KCNK2: variants seen among roughly 807,000 people sequenced by gnomAD.
KCNK2 encodes potassium channel subfamily K member 2.
In KCNK2, 21 loss-of-function variants were observed where a neutral mutation model predicts 40.5. That is an observed-to-expected ratio of 0.52 (90% CI 0.37 to 0.75). KCNK2 has a LOEUF of 0.75. KCNK2 is among the 30% of genes least tolerant of loss of function. The probability of loss-of-function intolerance (pLI) is 0.00; values close to 1 mark genes in which losing one functional copy is unlikely to be tolerated. For synonymous variants in KCNK2, 191 were observed against 202.2 expected (o/e 0.94, Z 0.47); for missense variants, 399 against 531.6 (o/e 0.75, Z 2.45).
intron 6 of KCNK2, among the ~76,000 whole-genome samples, chr1:215,226,601 A>G (rs779900534): frequency 6.6e-6 from 1 of 152,160 alleles, no homozygotes; most frequent in Non-Finnish European, 1.5e-5. Flanking sequence ...CTGGGATTAC[A>G]GGCATGAGCC....
Position 215,222,273 on chromosome 1 carries a change from A to T in KCNK2, c.964-12555A>T, listed in dbSNP as rs943084551. Among the ~76,000 whole-genome samples, 7 of 131,296 alleles carry T rather than the reference A, an allele frequency of 5.3e-5. No homozygotes were observed. In the South Asian group the frequency reaches 1.6e-3, roughly 30 times the overall value. 86.1% of individuals were successfully genotyped at this position (131,296 alleles called of 152,430 possible). ...ATCATCTTTACAATGCAATCGTGTA[A>T]TTTGGATGAGCTTCATAAAATGGAT... On this transcript the variant is annotated intron_variant, in intron 6 of 6. Transcript: ENST00000444842.
At chr1:215,050,465 C>G (rs1377482287) in intron 1 of KCNK2, among the ~76,000 whole-genome samples, 1 of 151,770 alleles carries the variant, frequency 6.6e-6, no homozygotes, top group Non-Finnish European at 1.5e-5. Context: ...GGGGACAGTA[C>G]AATAAAAACA....
intron 2 of KCNK2, among the ~76,000 whole-genome samples, chr1:215,097,582 T>C (rs1660034741): frequency 6.6e-6 from 1 of 152,026 alleles, no homozygotes. Flanking sequence ...TATGGTTTCA[T>C]GCAGTTGCTT....
chr1:215,223,241 T>TAA (rs56890763), intron 6 of KCNK2, among the ~76,000 whole-genome samples: 12,173 of 111,922 alleles, frequency 0.11, 953 homozygotes, highest in South Asian at 0.36. Context: ...AGCTCTTTTC[T>TAA]AAAAAAAAAA....
At chr1:215,079,433 G>C (rs1017075416), upstream of KCNK2, among the ~76,000 whole-genome samples, 1 of 152,232 alleles carries the variant, frequency 6.6e-6, no homozygotes, top group African/African-American at 2.4e-5. Flanking sequence ...GCAGGAGGAA[G>C]AGAGTGAAGG....
chr1:215,098,201 G>C (rs1260500367), intron 2 of KCNK2, among the ~76,000 whole-genome samples: 1 of 100,592 alleles, frequency 9.9e-6, no homozygotes, highest in Admixed American at 9.7e-5. Flanking sequence ...CATTAAAACT[G>C]TGGGCAGTAT....
At chr1:215,208,405 C>T (rs1045259766) in intron 6 of KCNK2, among the ~76,000 whole-genome samples, 9 of 152,134 alleles carry the variant, frequency 5.9e-5, no homozygotes, top group Non-Finnish European at 1.0e-4. Flanking sequence ...TATTGGGTAC[C>T]GGGCTTAATA....
rs1053869338 is a variant in KCNK2, at chr1:215,011,771, A to G, written c.34+5816A>G. Among the ~76,000 whole-genome samples, 5 of 151,464 alleles carry G rather than the reference A, an allele frequency of 3.3e-5. No individual in the cohort carries two copies. In the South Asian group the frequency reaches 1.0e-3, roughly 32 times the overall value. ...CAGGCGCGTGCTACCACGCCCAGCT[A>G]TATTTTTTGTATTTTTAGTAGAGAC... is the stretch of plus-strand genomic sequence containing the variant. On this transcript the variant is annotated intron_variant, in intron 1 of 6. Transcript: ENST00000391895.
rs144135860 is a variant in KCNK2 at position 215,064,611 on chromosome 1, A to C, written c.35-21757A>C. 2.4e-3 allele frequency among the ~76,000 whole-genome samples: 358 copies of C among 152,244 alleles called. 2 individuals carry two copies. The highest frequency in any genetic ancestry group is 8.2e-3 in the African/African-American group (340 of 41,532). Reference sequence around the variant, plus strand: ...TCAGACATAGAGCTGATCCTTAAAGAAATGCAGGTAACACAGAAAACCATG... The same window carrying C: ...TCAGACATAGAGCTGATCCTTAAAGCAATGCAGGTAACACAGAAAACCATG... On this transcript the variant is annotated intron_variant, in intron 1 of 6. Transcript: ENST00000391895.
At chr1:215,159,772 GA>G (rs1663112649) in intron 3 of KCNK2, among the ~76,000 whole-genome samples, 1 of 151,996 alleles carries the variant, frequency 6.6e-6, no homozygotes, top group South Asian at 2.1e-4. Flanking sequence ...CAAAAGAAAA[GA>G]AAAGTAACTT....
At chr1:215,102,843 C>T (rs576341585) in intron 2 of KCNK2, among the ~76,000 whole-genome samples, 8 of 151,896 alleles carry the variant, frequency 5.3e-5, no homozygotes, top group Non-Finnish European at 1.0e-4. Context: ...ATAGTCTGGG[C>T]GTGTAGTAGG....
intron 5 of KCNK2, among the ~76,000 whole-genome samples, chr1:215,191,318 G>A (rs1310849383): frequency 6.6e-6 from 1 of 151,580 alleles, no homozygotes; most frequent in African/African-American, 2.4e-5. Context: ...AAAGGTGTCT[G>A]CCACGGCCTC....
intron 2 of KCNK2, among the ~76,000 whole-genome samples, chr1:215,122,740 CTTTTTTTTTTTT>C (rs564207038): frequency 1.3e-3 from 158 of 120,362 alleles, no homozygotes; most frequent in East Asian, 3.1e-3. Flanking sequence ...CATTCATAAT[CTTTTTTTTTTTT>C]TTTTTTTTTT....
intron 2 of KCNK2, among the ~76,000 whole-genome samples, chr1:215,108,083 T>A (rs1454518345): frequency 6.6e-6 from 1 of 151,942 alleles, no homozygotes; most frequent in Non-Finnish European, 1.5e-5. Flanking sequence ...CTATTATAGA[T>A]CCCTCGCATG....
chr1:215,106,529 T>G (rs1660445654), intron 2 of KCNK2, among the ~76,000 whole-genome samples: 1 of 152,114 alleles, frequency 6.6e-6, no homozygotes, highest in African/African-American at 2.4e-5. Context: ...TCTCCAGTTG[T>G]GTAGGTTGTC....
intron 6 of KCNK2, among the ~76,000 whole-genome samples, chr1:215,207,474 G>C (rs1665364393): frequency 6.6e-6 from 1 of 152,324 alleles, no homozygotes; most frequent in Admixed American, 6.5e-5. Context: ...GGGGACTGCT[G>C]TTTTAAATGA....
intron 6 of KCNK2, among the ~76,000 whole-genome samples, chr1:215,232,038 T>C (rs532400092): frequency 1.3e-5 from 2 of 152,310 alleles, no homozygotes; most frequent in South Asian, 4.1e-4. Context: ...AGATAAGATT[T>C]GGGTGGGAAC....
intron 1 of KCNK2, among the ~76,000 whole-genome samples, chr1:215,084,585 C>T (rs796960017): frequency 1.3e-5 from 2 of 152,234 alleles, no homozygotes; most frequent in African/African-American, 4.8e-5. Context: ...ATTATCAGCA[C>T]TTCCATTTTA....
At chr1:215,049,525 T>G (rs1159633467) in intron 1 of KCNK2, among the ~76,000 whole-genome samples, 1 of 152,142 alleles carries the variant, frequency 6.6e-6, no homozygotes, top group Non-Finnish European at 1.5e-5. Flanking sequence ...ATTCTTTTCT[T>G]TTATAGATTG....
Sources: gnomAD v4.1 joint callset for allele counts (sites outside exome capture counted in the v4.1 genomes callset) on GRCh38, gnomAD v4.1.1 for gene constraint, MANE v1.5 for transcripts, NCBI Gene and HGNC (gene_info 2026-07-23, HGNC 2026-07-21) for gene names.